Variants in ZMYM2 observed in about 807,000 individuals in gnomAD.
The protein encoded by ZMYM2 is zinc finger MYM-type protein 2.
ZMYM2 carries 56 observed loss-of-function variants against 162.8 expected under a neutral mutation model. That is an observed-to-expected ratio of 0.34 (90% confidence interval 0.28 to 0.43). The LOEUF is 0.43. ZMYM2 is among the 20% of genes least tolerant of loss of function. ZMYM2 has a pLI of 1.00. For missense variants in ZMYM2, 1,275 were observed against 1,621.8 expected, an observed-to-expected ratio of 0.79 and a Z score of 3.67; for synonymous variants, 510 against 541.6, an observed-to-expected ratio of 0.94 and a Z score of 0.81.
the ZMYM2 span, among the ~76,000 whole-genome samples, chr13:19,865,385 G>A: frequency 3.3e-5 from 5 of 152,346 alleles, no homozygotes; most frequent in East Asian, 3.9e-4. Context: ...GCATGTTCAC[G>A]GATTGATGAG....
chr13:20,059,351 G>T, intron 15 of ZMYM2, 96 bp from the exon 16 acceptor site: 1 of 1,341,856 alleles, frequency 7.5e-7, no homozygotes. Flanking sequence ...AGGTACTGAG[G>T]TAGTTAAATT....
the ZMYM2 span, among the ~76,000 whole-genome samples, chr13:19,914,023 G>A: frequency 2.6e-5 from 4 of 152,162 alleles, no homozygotes; most frequent in African/African-American, 9.7e-5. Flanking sequence ...CAAAACTTGG[G>A]ACAAGGAATA....
intron 21 of ZMYM2, among the ~76,000 whole-genome samples, chr13:20,074,113 G>A (rs1957297947): frequency 6.6e-6 from 1 of 151,888 alleles, no homozygotes; most frequent in Non-Finnish European, 1.5e-5. Flanking sequence ...GAATCATGCA[G>A]TATTTGTCCT....
At chr13:20,072,766 C>G (rs1323856959) in intron 21 of ZMYM2, among the ~76,000 whole-genome samples, 4 of 151,918 alleles carry the variant, frequency 2.6e-5, no homozygotes, top group African/African-American at 9.7e-5. Flanking sequence ...CCTGTTTCTT[C>G]TTGTACCACT....
chr13:20,039,530 G>C lies in ZMYM2; in HGVS notation c.2292+2621G>C, dbSNP rs1235398414. ...TCTCTGTTGCCCAGGCTGGAGTGCA[G>C]TGGCGCCATCTTGGCTCACTGCAAG... On this transcript the variant is annotated intron_variant, in intron 12 of 24. Coordinates refer to ENST00000610343, the MANE Select transcript of ZMYM2 (RefSeq NM_197968.4). Among the ~76,000 whole-genome samples the C allele has an allele frequency of 2.1e-5, 3 of 146,014 alleles. No homozygotes were observed. In the East Asian group the frequency reaches 6.2e-4, roughly 30 times the overall value.
At chr13:19,896,841 G>A in the ZMYM2 span, among the ~76,000 whole-genome samples, 2 of 151,330 alleles carry the variant, frequency 1.3e-5, no homozygotes, top group Non-Finnish European at 2.9e-5. Flanking sequence ...TGGGGAGGCC[G>A]AGGCGGGTGG....
At chr13:20,030,913 A>G (rs1350788552) in intron 9 of ZMYM2, among the ~76,000 whole-genome samples, 1 of 152,178 alleles carries the variant, frequency 6.6e-6, no homozygotes, top group Non-Finnish European at 1.5e-5. Context: ...AGTAAATTAG[A>G]TATTTGATGA....
At chr13:19,964,057 T>C (rs940910404) in intron 2 of ZMYM2, among the ~76,000 whole-genome samples, 3 of 152,212 alleles carry the variant, frequency 2.0e-5, no homozygotes, top group African/African-American at 7.2e-5. Flanking sequence ...TAAATATTCA[T>C]GTTTGCTATT....
intron 2 of ZMYM2, among the ~76,000 whole-genome samples, chr13:19,991,079 C>CTGTGTGTGTGTGTG (rs56666919): frequency 0.014 from 829 of 59,868 alleles, 4 homozygotes; most frequent in South Asian, 0.042. Context: ...TATGTATTTT[C>CTGTGTGTGTGTGTG]TGTGTGTGTG....
chr13:20,056,498 G>A (rs1217082034), intron 14 of ZMYM2, among the ~76,000 whole-genome samples: 2 of 152,090 alleles, frequency 1.3e-5, no homozygotes, highest in African/African-American at 4.8e-5. Flanking sequence ...TACCACATGA[G>A]GGAGCTTTGT....
At chr13:20,067,867 C>G (rs1956797020) in intron 21 of ZMYM2, among the ~76,000 whole-genome samples, 2 of 152,160 alleles carry the variant, frequency 1.3e-5, no homozygotes, top group Non-Finnish European at 2.9e-5. Context: ...TAGTTCTGAA[C>G]AGATTCCACA....
intron 2 of ZMYM2, among the ~76,000 whole-genome samples, chr13:19,968,701 T>C (rs1956029173): frequency 6.6e-6 from 1 of 152,228 alleles, no homozygotes; most frequent in South Asian, 2.1e-4. Context: ...CTTGACTCCA[T>C]TGTAGCCAGA....
chr13:20,004,813 A>G (rs1157493961), intron 4 of ZMYM2, among the ~76,000 whole-genome samples: 1 of 152,160 alleles, frequency 6.6e-6, no homozygotes, highest in Non-Finnish European at 1.5e-5. Context: ...TAGTTTTCCC[A>G]ATATTTGAAA....
At chr13:19,961,463 A>G (rs1283184575) in intron 2 of ZMYM2, among the ~76,000 whole-genome samples, 2 of 152,216 alleles carry the variant, frequency 1.3e-5, no homozygotes, top group Non-Finnish European at 2.9e-5. Context: ...TTTGAAGTTC[A>G]TCTCAGGCAT....
At chr13:19,922,588 T>C in the ZMYM2 span, among the ~76,000 whole-genome samples, 3 of 152,204 alleles carry the variant, frequency 2.0e-5, no homozygotes, top group Non-Finnish European at 4.4e-5. Flanking sequence ...CTCACGCCTG[T>C]AATCCCAGCA....
the ZMYM2 span, among the ~76,000 whole-genome samples, chr13:19,884,503 G>GAA: frequency 9.2e-5 from 14 of 152,106 alleles, no homozygotes; most frequent in Admixed American, 3.3e-4. Flanking sequence ...GCGTGAACCC[G>GAA]AAAGGCTTGC....
At chr13:20,012,713 C>A (rs73154116) in intron 6 of ZMYM2, among the ~76,000 whole-genome samples, 8,425 of 152,206 alleles carry the variant, frequency 0.055, 266 homozygotes, top group South Asian at 0.091. Flanking sequence ...TTTCCCACCA[C>A]CACCACCTGT....
chr13:19,976,773 C>T (rs1206837047), intron 2 of ZMYM2, among the ~76,000 whole-genome samples: 2 of 152,142 alleles, frequency 1.3e-5, no homozygotes, highest in Non-Finnish European at 2.9e-5. Flanking sequence ...ATGTATATGT[C>T]TTTTAGGTCT....
intron 12 of ZMYM2, among the ~76,000 whole-genome samples, chr13:20,048,802 TTG>T (rs869056381): frequency 1.9e-5 from 1 of 52,142 alleles, no homozygotes; most frequent in African/African-American, 3.2e-5. Flanking sequence ...AACCTGTGAC[TTG>T]TTTTTTTTTT....
Sources: allele counts gnomAD v4.1 joint callset (sites outside exome capture counted in the v4.1 genomes callset), GRCh38; gene constraint gnomAD v4.1.1; transcripts MANE v1.5; gene names NCBI Gene and HGNC (gene_info 2026-07-23, HGNC 2026-07-21).